Variants in TMCC1 observed in about 807,000 individuals in gnomAD.
TMCC1 encodes the protein transmembrane and coiled-coil domain family 1.
TMCC1 carries 15 observed loss-of-function variants against 52.4 expected under a neutral mutation model. The observed-to-expected ratio is 0.29, with a 90% confidence interval of 0.19 to 0.44. The LOEUF is 0.44. TMCC1 is among the 20% of genes least tolerant of loss of function. The pLI is 1.00. For synonymous variants in TMCC1, 279 were observed against 301.9 expected (o/e 0.92, Z 0.79); for missense variants, 503 against 806.0 (o/e 0.62, Z 4.55).
chr3:129,742,452 A>C (rs2051547347), intron 4 of TMCC1, among the ~76,000 whole-genome samples: 1 of 152,170 alleles, frequency 6.6e-6, no homozygotes, highest in South Asian at 2.1e-4. Context: ...ATGGCCAATA[A>C]GCACATAAAA....
intron 5 of TMCC1, among the ~76,000 whole-genome samples, chr3:129,668,345 G>A (rs77274316): frequency 0.02 from 3,024 of 152,318 alleles, 43 homozygotes; most frequent in South Asian, 0.037. Flanking sequence ...GCCAGGCACT[G>A]AGCTATGTGC....
At chr3:129,764,490 CTAA>C (rs977657834) in intron 4 of TMCC1, among the ~76,000 whole-genome samples, 4 of 151,938 alleles carry the variant, frequency 2.6e-5, no homozygotes, top group Non-Finnish European at 5.9e-5. Flanking sequence ...TTCTCACATC[CTAA>C]TAATAATAAT....
intron 4 of TMCC1, among the ~76,000 whole-genome samples, chr3:129,785,666 C>T (rs2055964672): frequency 6.6e-6 from 1 of 151,924 alleles, no homozygotes; most frequent in African/African-American, 2.4e-5. Context: ...CTATGATCTT[C>T]AAATAATTAG....
Position 129,832,729 on chromosome 3 carries a change from T to C in TMCC1, c.-131+45A>G, listed in dbSNP as rs2058974847. 1.3e-5 allele frequency: 2 copies of C among 152,216 alleles called. 1 individual carries two copies. Among genetic ancestry groups the C allele is most frequent in the South Asian group, 4.1e-4 (2 of 4,834 alleles). The allele number at this position is 152,216 out of a possible 1,614,324, so 9.4% of individuals were successfully genotyped here. A position where few individuals can be genotyped will look rare whatever the true frequency, so the allele number is the denominator to read the frequency against. On this transcript the variant is annotated intron_variant, in intron 3 of 6. Transcript: ENST00000393238. ...GACCAAAGCTTTTTTGGTTTGGACA[T>C]GAACCAAGTTAAATTTCACTGACTA...
chr3:129,756,239 G>C (rs574937491), intron 4 of TMCC1, among the ~76,000 whole-genome samples: 2 of 152,120 alleles, frequency 1.3e-5, no homozygotes, highest in African/African-American at 2.4e-5. Context: ...ACCTGTATGT[G>C]AATGTTTATA....
At chr3:129,761,351 A>G (rs1375479084) in intron 4 of TMCC1, among the ~76,000 whole-genome samples, 3 of 63,546 alleles carry the variant, frequency 4.7e-5, no homozygotes, top group Non-Finnish European at 6.6e-5. Context: ...AAAAAAAAAA[A>G]TCCCCTGTGC....
At chr3:129,662,638 AAAAACAAAAC>A (rs541237205) in intron 5 of TMCC1, among the ~76,000 whole-genome samples, 4 of 152,172 alleles carry the variant, frequency 2.6e-5, no homozygotes, top group African/African-American at 9.7e-5. Context: ...TCCATCTCAA[AAAAACAAAAC>A]AAAACAAAAA....
chr3:129,860,073 A>G (rs1366864525), intron 2 of TMCC1, among the ~76,000 whole-genome samples: 1 of 152,206 alleles, frequency 6.6e-6, no homozygotes, highest in Non-Finnish European at 1.5e-5. Context: ...TATTTAATCT[A>G]ACACAAATAT....
intron 1 of TMCC1, among the ~76,000 whole-genome samples, chr3:129,888,289 T>A (rs1485959153): frequency 3.9e-5 from 6 of 152,224 alleles, no homozygotes; most frequent in Non-Finnish European, 7.3e-5. Flanking sequence ...TTTAGCTTAA[T>A]AAAGACACAG....
At chr3:129,839,010 G>C (rs1466895987) in intron 2 of TMCC1, among the ~76,000 whole-genome samples, 1 of 151,960 alleles carries the variant, frequency 6.6e-6, no homozygotes, top group African/African-American at 2.4e-5. Context: ...CAAAATAAAG[G>C]CTTTCCTCCA....
intron 4 of TMCC1, among the ~76,000 whole-genome samples, chr3:129,699,409 A>G (rs1404251360): frequency 6.6e-6 from 1 of 152,192 alleles, no homozygotes; most frequent in African/African-American, 2.4e-5. Context: ...GTTACCCTAT[A>G]TGGTCTAAAA....
At chr3:129,822,981 A>G (rs990018584) in intron 4 of TMCC1, among the ~76,000 whole-genome samples, 1 of 152,138 alleles carries the variant, frequency 6.6e-6, no homozygotes, top group Non-Finnish European at 1.5e-5. Flanking sequence ...TATCCCAGTA[A>G]GATGTTACTA....
At chr3:129,858,812 T>C (rs558510051) in intron 2 of TMCC1, among the ~76,000 whole-genome samples, 49 of 152,340 alleles carry the variant, frequency 3.2e-4, no homozygotes, top group Non-Finnish European at 6.5e-4. Flanking sequence ...AAAACCTGAA[T>C]ATGTTTTGCC....
chr3:129,671,934 C>G (rs975052718), intron 4 of TMCC1, among the ~76,000 whole-genome samples: 3 of 152,048 alleles, frequency 2.0e-5, no homozygotes, highest in Non-Finnish European at 1.5e-5. Context: ...AAGGTGATAA[C>G]CTTGAGCAAG....
At chr3:129,711,709 G>A (rs991760350) in intron 4 of TMCC1, among the ~76,000 whole-genome samples, 16 of 151,232 alleles carry the variant, frequency 1.1e-4, no homozygotes, top group African/African-American at 3.2e-4. Flanking sequence ...TAAAAAATTA[G>A]GCCAGGTGCG....
chr3:129,715,747 G>A (rs1160510632), intron 4 of TMCC1, among the ~76,000 whole-genome samples: 4 of 152,082 alleles, frequency 2.6e-5, no homozygotes, highest in Non-Finnish European at 4.4e-5. Context: ...GCTTAAGTCT[G>A]AGACTGTGTC....
chr3:129,792,374 G>T (rs1357100478), intron 4 of TMCC1, among the ~76,000 whole-genome samples: 1 of 151,842 alleles, frequency 6.6e-6, no homozygotes, highest in Non-Finnish European at 1.5e-5. Context: ...TTAAGACGGA[G>T]TCTCGCTCTG....
chr3:129,787,180 G>C (rs1053305470), intron 4 of TMCC1, among the ~76,000 whole-genome samples: 2 of 152,178 alleles, frequency 1.3e-5, no homozygotes, highest in African/African-American at 4.8e-5. Context: ...GAAACCTTCA[G>C]AGAGGTGAAA....
In TMCC1 at chr3:129,866,622, C is replaced by T. The variant is rs913723087; in HGVS notation, c.-184+13687G>A. On this transcript the variant is annotated intron_variant, in intron 2 of 6. Coordinates refer to ENST00000393238, the MANE Select transcript of TMCC1 (RefSeq NM_001017395.5). The stretch of plus-strand genomic sequence containing the variant: ...GAACTCCCAACCTCAGGTGATCCAC[C>T]CACCTTGGCCTCCCAAAGTGCTGGG... Among the ~76,000 whole-genome samples the T allele has an allele frequency of 3.3e-5, 5 of 152,030 alleles. No homozygotes were observed. The East Asian group carries it at 9.6e-4, about 29-fold the overall frequency.
Sources: allele counts gnomAD v4.1 joint callset (sites outside exome capture counted in the v4.1 genomes callset), GRCh38; gene constraint gnomAD v4.1.1; transcripts MANE v1.5; gene names NCBI Gene and HGNC (gene_info 2026-07-23, HGNC 2026-07-21).